SUPT16H: variants seen among roughly 807,000 people sequenced by gnomAD.
The protein encoded by SUPT16H is FACT complex subunit SPT16.
In SUPT16H, 24 loss-of-function variants were observed where a neutral mutation model predicts 136.2. The ratio of observed to expected loss-of-function variants is 0.18; its 90% CI spans 0.13 to 0.25. The LOEUF is 0.25. Ranked by LOEUF, SUPT16H falls within the 10% of genes least tolerant of loss-of-function variation. The pLI is 1.00. For synonymous variants in SUPT16H, 415 were observed against 428.2 expected (o/e 0.97, Z 0.38); for missense variants, 623 against 1,270.2 (o/e 0.49, Z 7.74).
intron 1 of SUPT16H, among the ~76,000 whole-genome samples, chr14:21,378,418 CAT>C (rs1252098671): frequency 6.6e-6 from 1 of 152,006 alleles, no homozygotes; most frequent in Non-Finnish European, 1.5e-5. Flanking sequence ...TCTATATGAA[CAT>C]AAACAATGTA....
chr14:21,366,278 T>C (rs1886664221), intron 8 of SUPT16H, among the ~76,000 whole-genome samples, 161 bp downstream of exon 8: 1 of 152,250 alleles, frequency 6.6e-6, no homozygotes, highest in Non-Finnish European at 1.5e-5. Flanking sequence ...AACTTAAATC[T>C]GTCTCACCTT....
chr14:21,373,287 A>G (rs1886827346), intron 2 of SUPT16H, 51 bp downstream of exon 2: 2 of 1,350,880 alleles, frequency 1.5e-6, no homozygotes, highest in African/African-American at 1.4e-5. Flanking sequence ...TGAACAGTGC[A>G]GTAGATAATC....
At chr14:21,367,948 T>C (rs1162039703) in intron 7 of SUPT16H, among the ~76,000 whole-genome samples, 1 of 152,156 alleles carries the variant, frequency 6.6e-6, no homozygotes, top group Admixed American at 6.6e-5. Flanking sequence ...TGGAGTGCAG[T>C]GGCGCAATCA....
chr14:21,357,960 G>T lies in SUPT16H; in HGVS notation c.2457C>A (p.Pro819=). 6.2e-7 allele frequency: 1 copy of T among 1,613,858 alleles called. No homozygotes were observed. The highest frequency in any genetic ancestry group is 8.5e-7 in the Non-Finnish European group (1 of 1,179,890). Residue 819 remains proline (P), a synonymous_variant, in exon 21 of 26, where the codon CCC becomes CCA. Transcript: ENST00000216297. ...APYRSTCLLQ[P]TSSALVNATE... is the part of the protein sequence containing the mutation. Reference sequence around the variant, plus strand: ...TAGCATTTACCAGCGCACTACTAGTGGGCTGAAGGAGGCAGGTACTCCTAT... The same window carrying T: ...TAGCATTTACCAGCGCACTACTAGTTGGCTGAAGGAGGCAGGTACTCCTAT...
At chr14:21,359,044 A>G (rs1344559154) in intron 19 of SUPT16H, among the ~76,000 whole-genome samples, 1 of 151,842 alleles carries the variant, frequency 6.6e-6, no homozygotes. Flanking sequence ...TGACCTCGTG[A>G]TCTGCCTGTG....
chr14:21,357,570 G>T (rs1886461957), intron 21 of SUPT16H, among the ~76,000 whole-genome samples: 1 of 150,726 alleles, frequency 6.6e-6, no homozygotes. Context: ...CCCTCAAGGA[G>T]AATAAACTCA....
At chr14:21,359,739 CAT>C in intron 18 of SUPT16H, 130 bp from the exon 19 acceptor site, 1 of 1,040,314 alleles carries the variant, frequency 9.6e-7, no homozygotes, top group Non-Finnish European at 1.4e-6. Flanking sequence ...CTGGTGTCAT[CAT>C]AAATAATGAT....
chr14:21,367,912 G>A (rs1171351023), intron 7 of SUPT16H, among the ~76,000 whole-genome samples: 1 of 152,078 alleles, frequency 6.6e-6, no homozygotes, highest in Non-Finnish European at 1.5e-5. Context: ...TTTTTTGAGA[G>A]AAGGTCTCAA....
chr14:21,364,479 A>T (rs1435651914), intron 10 of SUPT16H, among the ~76,000 whole-genome samples: 1 of 152,206 alleles, frequency 6.6e-6, no homozygotes. Flanking sequence ...AAATACTAAA[A>T]ATCACTAAAT....
chr14:21,374,769 T>C (rs915356715), intron 1 of SUPT16H, among the ~76,000 whole-genome samples: 4 of 152,220 alleles, frequency 2.6e-5, no homozygotes, highest in African/African-American at 9.6e-5. Context: ...TTGTAAAAAA[T>C]GTTGCCATGA....
intron 1 of SUPT16H, among the ~76,000 whole-genome samples, chr14:21,381,870 G>A (rs920273757): frequency 9.3e-5 from 14 of 151,314 alleles, no homozygotes; most frequent in Non-Finnish European, 1.6e-4. Context: ...CTGGGTACAG[G>A]CATGAGTCAC....
At chr14:21,383,466 T>C (rs909853976) in intron 1 of SUPT16H, 2 of 566,084 alleles carry the variant, frequency 3.5e-6, no homozygotes, top group Non-Finnish European at 6.3e-6. Context: ...GTTATAATCC[T>C]GGCGGGACCA....
intron 1 of SUPT16H, among the ~76,000 whole-genome samples, chr14:21,381,786 C>CT (rs5807076): frequency 0.78 from 103,556 of 132,328 alleles, 41,428 homozygotes; most frequent in Middle Eastern, 0.89. Context: ...ATTTATTTGC[C>CT]TTTTTTTTTT....
Position 21,362,207 on chromosome 14 carries a change from C to T in SUPT16H, c.1783G>A (p.Val595Ile). The T allele has an allele frequency of 6.2e-7, 1 of 1,611,480 alleles. No homozygotes were observed. The highest frequency in any genetic ancestry group is 1.1e-5 in the South Asian group (1 of 90,852). The part of the protein sequence containing the change: ...NIFPNPEATF[V>I]KEITYRASNI... ...TTCTTGGGGACTCACATTTCCTTGA[C>T]AAAAGTCGCTTCAGGGTTAGGAAAG... The change falls in exon 15 of 26, where the codon GTC becomes ATC. Residue 595 changes from valine to isoleucine, a missense_variant. Around this residue, in one of 7 missense-constraint regions of SUPT16H, gnomAD observed 62 missense variants for 200.5 expected, o/e 0.31. Transcript: ENST00000216297.
chr14:21,369,139 A>T, intron 6 of SUPT16H, 65 bp downstream of exon 6: 1 of 1,558,982 alleles, frequency 6.4e-7, no homozygotes. Context: ...ATTTGTACAG[A>T]TTTAACAAAA....
intron 10 of SUPT16H, among the ~76,000 whole-genome samples, chr14:21,363,895 T>C (rs1163017392): frequency 6.6e-6 from 1 of 152,164 alleles, no homozygotes; most frequent in Non-Finnish European, 1.5e-5. Context: ...GTCAGGCTGG[T>C]CTCAAACTCC....
intron 1 of SUPT16H, among the ~76,000 whole-genome samples, chr14:21,375,241 T>C (rs1181604389): frequency 6.0e-5 from 5 of 83,950 alleles, no homozygotes; most frequent in Non-Finnish European, 1.2e-4. Flanking sequence ...CTTGAACTCC[T>C]GACCTCAAGT....
chr14:21,377,134 C>T (rs1044966161), intron 1 of SUPT16H, among the ~76,000 whole-genome samples: 14 of 148,344 alleles, frequency 9.4e-5, no homozygotes, highest in African/African-American at 3.5e-4. Flanking sequence ...GAGGTCTAAA[C>T]CTTACTGAAT....
chr14:21,372,403 T>C, intron 2 of SUPT16H: 2 of 310,834 alleles, frequency 6.4e-6, no homozygotes, highest in South Asian at 2.9e-5. Flanking sequence ...CCTGCGTTAT[T>C]ACCTCCTCAA....
Sources: allele counts gnomAD v4.1 joint callset (sites outside exome capture counted in the v4.1 genomes callset), GRCh38; gene constraint gnomAD v4.1.1; regional missense constraint gnomAD v4.1.1; transcripts MANE v1.5; gene names NCBI Gene and HGNC (gene_info 2026-07-23, HGNC 2026-07-21).